Variants in VAV3 observed in about 807,000 individuals in gnomAD.
VAV3 encodes guanine nucleotide exchange factor VAV3.
Under a neutral mutation model 131.2 loss-of-function variants are expected in VAV3, and 94 were observed. The ratio of observed to expected loss-of-function variants is 0.72; its 90% CI spans 0.61 to 0.85. The LOEUF is 0.85. VAV3 is among the 40% of genes least tolerant of loss of function. VAV3 has a pLI of 0.00. For synonymous variants in VAV3, 349 were observed against 342.0 expected (o/e 1.02, Z -0.22); for missense variants, 939 against 1,002.7 (o/e 0.94, Z 0.86).
chr1:107,795,711 A>G (rs1381632605), intron 2 of VAV3, among the ~76,000 whole-genome samples: 2 of 152,252 alleles, frequency 1.3e-5, no homozygotes, highest in Non-Finnish European at 2.9e-5. Flanking sequence ...AAACATTTGC[A>G]TAAGTCGTTA....
chr1:107,757,186 TG>T (rs1553202022), intron 11 of VAV3, 74 bp downstream of exon 11: 1 of 899,096 alleles, frequency 1.1e-6, no homozygotes, highest in Non-Finnish European at 1.7e-6. Context: ...TGTGTGTGTG[TG>T]TATGCAATTT....
intron 2 of VAV3, among the ~76,000 whole-genome samples, chr1:107,840,434 G>A (rs1668649404): frequency 6.6e-6 from 1 of 152,174 alleles, no homozygotes; most frequent in Non-Finnish European, 1.5e-5. Flanking sequence ...TTAATAAAGT[G>A]CCTTATTCTA....
chr1:107,737,754 G>A (rs150258442), intron 15 of VAV3, among the ~76,000 whole-genome samples: 9,598 of 152,258 alleles, frequency 0.063, 483 homozygotes, highest in Admixed American at 0.16. Flanking sequence ...TACACTGTTG[G>A]TGGGACTGTA....
At chr1:107,848,129 C>T (rs1044015955) in intron 2 of VAV3, among the ~76,000 whole-genome samples, 4 of 151,860 alleles carry the variant, frequency 2.6e-5, no homozygotes, top group Non-Finnish European at 5.9e-5. Context: ...CTGGCTAACA[C>T]GGTGAAACCC....
chr1:107,734,653 G>A (rs1385650920), intron 15 of VAV3, among the ~76,000 whole-genome samples: 1 of 152,158 alleles, frequency 6.6e-6, no homozygotes, highest in Non-Finnish European at 1.5e-5. Flanking sequence ...TCAACAAGAA[G>A]AGCTAACTAT....
At chr1:107,821,598 AGACAGCT>A (rs1176644650) in intron 2 of VAV3, among the ~76,000 whole-genome samples, 1 of 152,220 alleles carries the variant, frequency 6.6e-6, no homozygotes. Flanking sequence ...AGGAGCTGGT[AGACAGCT>A]GACACGTCCA....
intron 17 of VAV3, among the ~76,000 whole-genome samples, chr1:107,694,873 C>A (rs978352232): frequency 1.3e-5 from 2 of 152,130 alleles, no homozygotes; most frequent in African/African-American, 4.8e-5. Flanking sequence ...AGGAGATGAA[C>A]ATAGAGTCAA....
chr1:107,882,267 C>A (rs933902221), intron 1 of VAV3, among the ~76,000 whole-genome samples: 7 of 152,242 alleles, frequency 4.6e-5, no homozygotes, highest in African/African-American at 1.7e-4. Flanking sequence ...CCAGAGCCAA[C>A]CTGTGTGTTG....
chr1:107,855,498 T>C (rs1669427078), intron 2 of VAV3, among the ~76,000 whole-genome samples: 1 of 152,088 alleles, frequency 6.6e-6, no homozygotes, highest in Non-Finnish European at 1.5e-5. Context: ...GGCTGGTCTC[T>C]AGCTCCTGAG....
chr1:107,734,682 C>T (rs1219646411), intron 15 of VAV3, among the ~76,000 whole-genome samples: 1 of 152,106 alleles, frequency 6.6e-6, no homozygotes, highest in Non-Finnish European at 1.5e-5. Flanking sequence ...TATATGCACC[C>T]AATACAGGAG....
chr1:107,757,188 T>TAC, intron 11 of VAV3, 73 bp downstream of exon 11: 1 of 1,005,044 alleles, frequency 9.9e-7, no homozygotes, highest in Non-Finnish European at 1.5e-6. Context: ...TGTGTGTGTG[T>TAC]ATGCAATTTG....
intron 2 of VAV3, among the ~76,000 whole-genome samples, chr1:107,834,804 G>A (rs1475852502): frequency 6.6e-6 from 1 of 152,098 alleles, no homozygotes; most frequent in Non-Finnish European, 1.5e-5. Context: ...TGAATGCCAG[G>A]ACTAGTTCCT....
intron 1 of VAV3, among the ~76,000 whole-genome samples, chr1:107,877,108 G>A (rs1254656120): frequency 6.6e-6 from 1 of 152,116 alleles, no homozygotes; most frequent in African/African-American, 2.4e-5. Flanking sequence ...CACAAGGGAA[G>A]CATCATAAAC....
At chr1:107,719,537 G>A (rs1303461965) in intron 15 of VAV3, among the ~76,000 whole-genome samples, 1 of 152,186 alleles carries the variant, frequency 6.6e-6, no homozygotes, top group South Asian at 2.1e-4. Flanking sequence ...AGTTAGAATG[G>A]TGATCAGTAA....
chr1:107,614,984 G>C (rs950065988), intron 21 of VAV3, among the ~76,000 whole-genome samples: 1 of 152,074 alleles, frequency 6.6e-6, no homozygotes, highest in Admixed American at 6.6e-5. Context: ...TTTACAGATA[G>C]GAAGCCTGAA....
intron 1 of VAV3, among the ~76,000 whole-genome samples, chr1:107,954,769 G>GC (rs758398906): frequency 0.056 from 8,461 of 149,858 alleles, 411 homozygotes; most frequent in African/African-American, 0.11. Context: ...TACCATGGGA[G>GC]GGGGGGAAAT....
chr1:107,872,551 C>T (rs1008614775), intron 2 of VAV3, among the ~76,000 whole-genome samples: 1 of 152,152 alleles, frequency 6.6e-6, no homozygotes, highest in Admixed American at 6.5e-5. Flanking sequence ...TGAATTAACA[C>T]TATTCACATT....
chr1:107,753,549 T>TATATACACACACAC (rs771773884), intron 12 of VAV3, among the ~76,000 whole-genome samples: 5 of 82,054 alleles, frequency 6.1e-5, no homozygotes, highest in African/African-American at 9.2e-5. Context: ...TATATATATA[T>TATATACACACACAC]ACACACACAC....
At chr1:107,605,459 C>T (rs956918313) in intron 22 of VAV3, among the ~76,000 whole-genome samples, 2 of 152,176 alleles carry the variant, frequency 1.3e-5, no homozygotes, top group Admixed American at 6.5e-5. Flanking sequence ...AATGAGAAGG[C>T]CCTCACCAGA....
Sources: gnomAD v4.1 joint callset for allele counts (sites outside exome capture counted in the v4.1 genomes callset) on GRCh38, gnomAD v4.1.1 for gene constraint, MANE v1.5 for transcripts, NCBI Gene and HGNC (gene_info 2026-07-23, HGNC 2026-07-21) for gene names.